Variants in DNHD1 observed in about 807,000 individuals in gnomAD.
The protein encoded by DNHD1 is dynein heavy chain domain 1.
In DNHD1, 383 loss-of-function variants were observed where a neutral mutation model predicts 458.1. The ratio of observed to expected loss-of-function variants is 0.84; its 90% CI spans 0.77 to 0.91. DNHD1 has a LOEUF of 0.91. Among genes scored for constraint, DNHD1 ranks in the 40% least tolerant of loss-of-function variants. DNHD1 has a pLI of 0.00. For missense variants in DNHD1, 5,336 were observed against 5,866.1 expected, an observed-to-expected ratio of 0.91 and a Z score of 2.95; for synonymous variants, 2,203 against 2,376.9, an observed-to-expected ratio of 0.93 and a Z score of 2.13.
chr11:6,561,321 A>G (rs1853583539), intron 28 of DNHD1, among the ~76,000 whole-genome samples: 1 of 152,166 alleles, frequency 6.6e-6, no homozygotes, highest in African/African-American at 2.4e-5. Flanking sequence ...CCAGCTACTC[A>G]GGAGTCTGAG....
chr11:6,516,649 G>T (rs1027094260), intron 7 of DNHD1, among the ~76,000 whole-genome samples: 3 of 151,946 alleles, frequency 2.0e-5, no homozygotes, highest in African/African-American at 7.3e-5. Context: ...TATTATGTTT[G>T]CTGTCTCTCT....
At chr11:6,564,834 C>A in intron 32 of DNHD1, 30 bp downstream of exon 32, 1 of 1,462,138 alleles carries the variant, frequency 6.8e-7, no homozygotes, top group South Asian at 1.4e-5. Context: ...GCAATGCTTC[C>A]GGAGTATCTG....
chr11:6,543,235 C>T (rs1022947720), intron 18 of DNHD1, among the ~76,000 whole-genome samples: 1 of 152,178 alleles, frequency 6.6e-6, no homozygotes, highest in African/African-American at 2.4e-5. Context: ...AATAAACCTC[C>T]TTTCTTGATT....
chr11:6,523,398 A>G (rs943905443), intron 10 of DNHD1, among the ~76,000 whole-genome samples: 2 of 152,000 alleles, frequency 1.3e-5, no homozygotes, highest in African/African-American at 4.8e-5. Flanking sequence ...AGAGAGAAGG[A>G]AAGATTTTTT....
rs1331483888 is a variant in DNHD1, at chr11:6,533,813, A to G, written c.2638A>G (p.Arg880Gly). 2.6e-6 allele frequency: 4 copies of G among 1,551,126 alleles called. No individual in the cohort carries two copies. The Admixed American group carries it at 5.9e-5, about 23-fold the overall frequency. The change falls in exon 14 of 43, where the codon AGG becomes GGG. Residue 880 changes from arginine to glycine, a missense_variant. Coordinates refer to ENST00000254579, the MANE Select transcript of DNHD1 (RefSeq NM_144666.3). ...TGAAGCACTGGACATCTCGGTGAGA[A>G]GGCAATTCGGGGAGTCACCCATCCC... is the stretch of plus-strand genomic sequence containing the variant. ...ENEALDISVR[R>G]QFGESPIPPC...
chr11:6,566,407 G>A lies in DNHD1; in HGVS notation c.11206+14G>A, dbSNP rs1249955639. ...CCATGGAAAAAGGTGAGGCCCAGAG[G>A]GCAAATTGCCAGCACAGTTGTGTGG... On this transcript the variant is annotated intron_variant, in intron 34 of 42. Transcript: ENST00000254579. The A allele has an allele frequency of 2.6e-6, 4 of 1,557,854 alleles. No homozygotes were observed. Among genetic ancestry groups the A allele is most frequent in the East Asian group, 2.4e-5 (1 of 41,362 alleles).
In DNHD1 at chr11:6,544,257, G is replaced by A. The variant is rs75814048; in HGVS notation, c.3754+11G>A. On this transcript the variant is annotated intron_variant, in intron 19 of 42. Coordinates refer to ENST00000254579, the MANE Select transcript of DNHD1 (RefSeq NM_144666.3). ...TCATGCATGGCCTGGGTAAGTGCAGGCCTCTAGCCAGGCTGATGGGTGAGA... is the reference window on the plus strand; with the variant it reads ...TCATGCATGGCCTGGGTAAGTGCAGACCTCTAGCCAGGCTGATGGGTGAGA... 2.6e-6 allele frequency: 4 copies of A among 1,551,348 alleles called. No homozygotes were observed. Among genetic ancestry groups the A allele is most frequent in the Non-Finnish European group, 3.5e-6 (4 of 1,146,898 alleles).
chr11:6,563,656 C>T (rs746861542), intron 30 of DNHD1, 37 bp from the exon 31 acceptor site: 42 of 1,543,006 alleles, frequency 2.7e-5, no homozygotes, highest in East Asian at 4.9e-5. Flanking sequence ...CCAGAGCATC[C>T]GTGGCTTCCC....
chr11:6,498,174 TG>T lies in DNHD1; in HGVS notation c.-39del. The T allele has an allele frequency of 1.3e-6, 2 of 1,576,368 alleles. No homozygotes were observed. The highest frequency in any genetic ancestry group is 1.7e-6 in the Non-Finnish European group (2 of 1,159,084). On this transcript the variant is annotated 5_prime_UTR_variant, in exon 3 of 43. The change abolishes the stop of an existing upstream ORF in the 5' untranslated region. Transcript: ENST00000254579. ...GAACTGGCAGTTGGAGCCTGAGCTA[TG>T]GGCAAGGTCACTTCGACAGCAGTTG...
chr11:6,568,510 A>C lies in DNHD1; in HGVS notation c.12595A>C (p.Ser4199Arg). 1 of 1,614,010 alleles carries C rather than the reference A, an allele frequency of 6.2e-7. No individual in the cohort carries two copies. The highest frequency in any genetic ancestry group is 1.1e-5 in the South Asian group (1 of 91,090). The change falls in exon 38 of 43, where the codon AGC becomes CGC. Residue 4199 changes from serine to arginine, a missense_variant. Physicochemically the swap from Ser to Arg is moderately radical, Grantham distance 110. Transcript: ENST00000254579. ...LLDQPESRNV[S>R]TVHRDFRLWL... ...AGACCAACCTGAAAGCAGGAATGTAAGCACTGTTCACAGAGATTTTCGTCT... is the reference window on the plus strand; with the variant it reads ...AGACCAACCTGAAAGCAGGAATGTACGCACTGTTCACAGAGATTTTCGTCT...
rs1370947880 is a variant in DNHD1, at chr11:6,546,614, A to G, written c.5675A>G (p.Lys1892Arg). 1 of 1,551,664 alleles carries G rather than the reference A, an allele frequency of 6.4e-7. No individual in the cohort carries two copies. The highest frequency in any genetic ancestry group is 2.0e-5 in the Admixed American group (1 of 50,992). The change falls in exon 21 of 43, where the codon AAG becomes AGG. Residue 1892 changes from lysine to arginine, a missense_variant. Transcript: ENST00000254579. ...EDTIRTLNVT[K>R]EEPKCQKPRS... ...ACAATACGGACACTAAATGTGACCAAGGAGGAACCGAAGTGCCAGAAGCCT... is the reference window on the plus strand; with the variant it reads ...ACAATACGGACACTAAATGTGACCAGGGAGGAACCGAAGTGCCAGAAGCCT...
chr11:6,519,510 A>C, intron 7 of DNHD1, 90 bp from the exon 8 acceptor site: 2 of 1,459,114 alleles, frequency 1.4e-6, no homozygotes. Flanking sequence ...TAGGTCCCAG[A>C]CTCCAAGACC....
chr11:6,508,907 C>T lies in DNHD1; in HGVS notation c.948C>T (p.Pro316=), dbSNP rs754891117. ...FRPYSLMVVP[P]DKVNPEHYIF... is the part of the protein sequence containing the mutation. ...CTTACAGCCTGATGGTGGTGCCACC[C>T]GACAAGGTGAATCCCGAGCACTACA... The change falls in exon 5 of 43, where the codon CCC becomes CCT. Residue 316 remains proline, a synonymous_variant. Coordinates refer to ENST00000254579, the MANE Select transcript of DNHD1 (RefSeq NM_144666.3). The T allele has an allele frequency of 2.3e-5, 37 of 1,613,972 alleles. No individual in the cohort carries two copies. The highest frequency in any genetic ancestry group is 1.2e-4 in the South Asian group (11 of 91,084).
intron 10 of DNHD1, chr11:6,520,499 A>G: frequency 1.4e-6 from 2 of 1,420,418 alleles, no homozygotes; most frequent in Non-Finnish European, 1.8e-6. Flanking sequence ...GGTTATGTGT[A>G]TGTGCGTGCA....
intron 7 of DNHD1, among the ~76,000 whole-genome samples, chr11:6,518,213 G>A (rs1004946417): frequency 3.9e-5 from 6 of 151,994 alleles, no homozygotes; most frequent in African/African-American, 7.3e-5. Context: ...AGTTGATACC[G>A]CCACGCCTGG....
chr11:6,511,037 C>A (rs1367164308), intron 6 of DNHD1, among the ~76,000 whole-genome samples: 1 of 152,222 alleles, frequency 6.6e-6, no homozygotes, highest in Non-Finnish European at 1.5e-5. Flanking sequence ...TAGGTATAAG[C>A]ACTTGCACAT....
chr11:6,518,473 T>C (rs1252611659), intron 7 of DNHD1, among the ~76,000 whole-genome samples: 2 of 152,240 alleles, frequency 1.3e-5, no homozygotes, highest in Non-Finnish European at 2.9e-5. Context: ...GTCGTTGGTA[T>C]GGTTTTATCC....
chr11:6,544,395 T>A (rs1853162150), intron 19 of DNHD1, 149 bp downstream of exon 19: 1 of 1,114,960 alleles, frequency 9.0e-7, no homozygotes, highest in Non-Finnish European at 1.3e-6. Flanking sequence ...GATGAAGAGA[T>A]CAGGTTTTTA....
rs1265212104 is a variant in DNHD1 at position 6,505,934 on chromosome 11, G to A, written c.921-2946G>A. ...TACAAACCATAGTTGGGAGCTTACA[G>A]AAAGCAAATGACAAGCTTAGGGCTT... is the stretch of plus-strand genomic sequence containing the variant. On this transcript the variant is annotated intron_variant, in intron 4 of 42. Coordinates refer to ENST00000254579, the MANE Select transcript of DNHD1 (RefSeq NM_144666.3). The surrounding 1 kb of genome is among the most constrained non-coding windows in gnomAD (Gnocchi z 4.4). Among the ~76,000 whole-genome samples, 2 of 152,232 alleles carry A rather than the reference G, an allele frequency of 1.3e-5. No individual in the cohort carries two copies. Among genetic ancestry groups the A allele is most frequent in the African/African-American group, 4.8e-5 (2 of 41,462 alleles).
Sources: allele counts gnomAD v4.1 joint callset (sites outside exome capture counted in the v4.1 genomes callset), GRCh38; gene constraint gnomAD v4.1.1; non-coding constraint Gnocchi (gnomAD v3.1); transcripts MANE v1.5; gene names NCBI Gene and HGNC (gene_info 2026-07-23, HGNC 2026-07-21).